Variants in GAS7 observed in about 807,000 individuals in gnomAD.
GAS7 encodes the protein growth arrest-specific protein 7.
Under a neutral mutation model 71.1 loss-of-function variants are expected in GAS7, and 28 were observed. The ratio of observed to expected loss-of-function variants is 0.39; its 90% confidence interval spans 0.29 to 0.54. GAS7 has a LOEUF of 0.54. GAS7 is among the 20% of genes least tolerant of loss of function. The pLI is 0.62. For synonymous variants in GAS7, 258 were observed against 245.8 expected, an observed-to-expected ratio of 1.05 and a Z score of -0.46; for missense variants, 436 against 627.8, an observed-to-expected ratio of 0.69 and a Z score of 3.27.
chr17:9,927,826 G>A (rs1284233326), intron 9 of GAS7, among the ~76,000 whole-genome samples: 1 of 152,198 alleles, frequency 6.6e-6, no homozygotes, highest in African/African-American at 2.4e-5. Context: ...GGTGGGAACT[G>A]TTGGAGACCT....
intron 1 of GAS7, among the ~76,000 whole-genome samples, chr17:10,173,021 C>T (rs1314999431): frequency 6.6e-6 from 1 of 152,206 alleles, no homozygotes; most frequent in Non-Finnish European, 1.5e-5. Context: ...AGTACTGATA[C>T]ACGTCACTAC....
intron 1 of GAS7, among the ~76,000 whole-genome samples, chr17:10,106,762 T>C (rs1389765327): frequency 8.4e-6 from 1 of 118,770 alleles, no homozygotes. Flanking sequence ...AGATACCCGC[T>C]GTGGTAGGCT....
chr17:10,117,896 A>C, intron 1 of GAS7, among the ~76,000 whole-genome samples: 1 of 152,114 alleles, frequency 6.6e-6, no homozygotes. Flanking sequence ...CTGAATGTGG[A>C]ATGTGAGAAA....
At chr17:10,020,353 C>T (rs1274633726) in intron 1 of GAS7, among the ~76,000 whole-genome samples, 1 of 152,130 alleles carries the variant, frequency 6.6e-6, no homozygotes, top group Non-Finnish European at 1.5e-5. Context: ...GCAAGTCATC[C>T]CACAGCCAGA....
At chr17:9,967,304 T>G (rs2069758764) in intron 4 of GAS7, among the ~76,000 whole-genome samples, 1 of 152,136 alleles carries the variant, frequency 6.6e-6, no homozygotes, top group Non-Finnish European at 1.5e-5. Flanking sequence ...GACCAAAGGT[T>G]CTCAACTTCA....
rs545490678 is a variant in GAS7 at position 10,026,192 on chromosome 17, T to C, written c.184-6295A>G. 377 of 985,406 alleles carry C rather than the reference T, an allele frequency of 3.8e-4. 6 individuals are homozygous for C. In the South Asian group the frequency reaches 0.015, roughly 40 times the overall value. 61.0% of individuals were successfully genotyped at this position (985,406 alleles called of 1,614,324 possible). A position where few individuals can be genotyped will look rare whatever the true frequency, so the allele number is the denominator to read the frequency against. On this transcript the variant is annotated intron_variant, in intron 1 of 13. Transcript: ENST00000432992. This position sits in a 1 kb window ranked among gnomAD's most constrained non-coding sequence, Gnocchi z 4.5. ...AGCAAACGCTACTCGCTGGTGTTAA[T>C]GGGTGGTCGTCAGACACTCGCTTTA...
rs539092148 is a variant in GAS7 at position 9,913,835 on chromosome 17, T to A, written c.*3393A>T. On this transcript the variant is annotated 3_prime_UTR_variant, in exon 14 of 14. Transcript: ENST00000432992. ...TGGAACACCATTTGGCTTAAGGAAT[T>A]TTTTTTTTCTTTTTAAATCAGGCTT... 1 of 230,814 alleles carries A rather than the reference T, an allele frequency of 4.3e-6. No individual in the cohort carries two copies. Among genetic ancestry groups the A allele is most frequent in the African/African-American group, 2.2e-5 (1 of 45,062 alleles). 14.3% of individuals were successfully genotyped at this position (230,814 alleles called of 1,614,324 possible).
At chr17:10,172,932 T>C (rs1450043840) in intron 1 of GAS7, among the ~76,000 whole-genome samples, 2 of 152,230 alleles carry the variant, frequency 1.3e-5, no homozygotes, top group African/African-American at 4.8e-5. Flanking sequence ...ACTAGCCAAG[T>C]GTCCATCAAC....
intron 1 of GAS7, among the ~76,000 whole-genome samples, chr17:10,091,512 C>T (rs756738179): frequency 9.9e-5 from 15 of 152,032 alleles, no homozygotes; most frequent in Non-Finnish European, 2.1e-4. Context: ...CTCAGCCTCC[C>T]GAGTAGCTGG....
At chr17:10,038,544 T>G (rs1464426055) in intron 1 of GAS7, among the ~76,000 whole-genome samples, 1 of 152,084 alleles carries the variant, frequency 6.6e-6, no homozygotes. Context: ...TTAATAGGTA[T>G]ATACCAAAAA....
chr17:9,952,716 T>C (rs927738675), intron 5 of GAS7, among the ~76,000 whole-genome samples: 1 of 152,094 alleles, frequency 6.6e-6, no homozygotes, highest in African/African-American at 2.4e-5. Flanking sequence ...AAAGAAGACA[T>C]ATGTGCAGCC....
chr17:10,157,884 G>A (rs2074216863), intron 1 of GAS7, among the ~76,000 whole-genome samples: 1 of 152,218 alleles, frequency 6.6e-6, no homozygotes. Flanking sequence ...GTATCCACCT[G>A]CAGTCCCAGC....
chr17:10,109,712 A>G (rs57420555), intron 1 of GAS7, among the ~76,000 whole-genome samples: 5,395 of 152,346 alleles, frequency 0.035, 144 homozygotes, highest in South Asian at 0.13. Context: ...TGAGATCAGG[A>G]GTTCAAGACC....
At chr17:10,020,492 G>A (rs2072224536) in intron 1 of GAS7, among the ~76,000 whole-genome samples, 1 of 152,110 alleles carries the variant, frequency 6.6e-6, no homozygotes, top group African/African-American at 2.4e-5. Context: ...ACTTCCCATT[G>A]TATGCATTTA....
rs1020682150 is a variant in GAS7, at chr17:9,917,948, G to A, written c.1317+53C>T. ...AACCTGCCACGGCCTAGCGCCAGGCGGCTCTCCCCAGGCCCCGTGTCGCCC... is the reference window on the plus strand; with the variant it reads ...AACCTGCCACGGCCTAGCGCCAGGCAGCTCTCCCCAGGCCCCGTGTCGCCC... On this transcript the variant is annotated intron_variant, in intron 13 of 13. Coordinates refer to ENST00000432992, the MANE Select transcript of GAS7 (RefSeq NM_201433.2). 122 of 1,291,564 alleles carry A rather than the reference G, an allele frequency of 9.4e-5. No homozygotes were observed. The Middle Eastern group carries it at 1.2e-3, about 13-fold the overall frequency. The allele number at this position is 1,291,564 out of a possible 1,614,324, so 80.0% of individuals were successfully genotyped here. A position where few individuals can be genotyped will look rare whatever the true frequency, so the allele number is the denominator to read the frequency against.
At chr17:10,069,227 T>C (rs2073315153) in intron 1 of GAS7, among the ~76,000 whole-genome samples, 1 of 152,210 alleles carries the variant, frequency 6.6e-6, no homozygotes, top group Non-Finnish European at 1.5e-5. Context: ...CCTGCTACGT[T>C]GACTCTCTCT....
rs768970068 is a variant in GAS7 at position 9,940,098 on chromosome 17, C to G, written c.806+28G>C. On this transcript the variant is annotated intron_variant, in intron 8 of 13. Coordinates refer to ENST00000432992, the MANE Select transcript of GAS7 (RefSeq NM_201433.2). ...TTCCTCAGTGACCCCCCATCCTCCC[C>G]ACTCCCACCTCTCTCCTACCCACTC... The G allele has an allele frequency of 4.1e-5, 51 of 1,249,780 alleles. No homozygotes were observed. The South Asian group carries it at 5.8e-4, about 14-fold the overall frequency. 77.4% of individuals were successfully genotyped at this position (1,249,780 alleles called of 1,614,324 possible).
chr17:10,050,298 C>T (rs1255143028), intron 1 of GAS7, among the ~76,000 whole-genome samples: 3 of 152,102 alleles, frequency 2.0e-5, no homozygotes, highest in Admixed American at 2.0e-4. Context: ...GGGGCTTTAT[C>T]TTTAAGAAAA....
intron 1 of GAS7, among the ~76,000 whole-genome samples, chr17:10,141,229 C>G (rs1012771994): frequency 2.0e-5 from 3 of 152,174 alleles, no homozygotes; most frequent in Admixed American, 1.3e-4. Flanking sequence ...GCAGGAGGGT[C>G]ACGAGGTCAG....
Sources: gnomAD v4.1 joint callset for allele counts (sites outside exome capture counted in the v4.1 genomes callset) on GRCh38, gnomAD v4.1.1 for gene constraint, Gnocchi (gnomAD v3.1) non-coding constraint, MANE v1.5 for transcripts, NCBI Gene and HGNC (gene_info 2026-07-23, HGNC 2026-07-21) for gene names.